Variants in THRAP3 observed in about 807,000 individuals in gnomAD.
THRAP3 encodes the protein thyroid hormone receptor associated protein 3, also known as thyroid hormone receptor-associated protein 3.
A neutral mutation model predicts 101.0 loss-of-function variants in THRAP3; 16 were observed. That is an observed-to-expected ratio of 0.16 (90% CI 0.11 to 0.24). THRAP3 has a LOEUF of 0.24. Among genes scored for constraint, THRAP3 ranks in the 10% least tolerant of loss-of-function variants. THRAP3 has a pLI of 1.00. For missense variants in THRAP3, 989 were observed against 1,202.7 expected, an observed-to-expected ratio of 0.82 and a Z score of 2.63; for synonymous variants, 407 against 422.6, an observed-to-expected ratio of 0.96 and a Z score of 0.45.
intron 6 of THRAP3, among the ~76,000 whole-genome samples, 166 bp from the exon 7 acceptor site, chr1:36,292,432 C>T (rs1193862104): frequency 7.3e-5 from 11 of 151,334 alleles, no homozygotes; most frequent in Non-Finnish European, 1.6e-4. Flanking sequence ...CCACCATGCC[C>T]ACTAGTTTTT....
At chr1:36,249,980 C>T (rs1198526388) in intron 1 of THRAP3, among the ~76,000 whole-genome samples, 1 of 152,040 alleles carries the variant, frequency 6.6e-6, no homozygotes, top group African/African-American at 2.4e-5. Flanking sequence ...GTTATTCTGG[C>T]ATCAAATTTG....
intron 1 of THRAP3, among the ~76,000 whole-genome samples, chr1:36,252,330 G>C (rs1359135777): frequency 6.6e-6 from 1 of 152,104 alleles, no homozygotes; most frequent in African/African-American, 2.4e-5. Flanking sequence ...TCACCATGTT[G>C]GTCAGGCTGG....
chr1:36,209,424 A>G, the THRAP3 span, among the ~76,000 whole-genome samples: 1 of 152,168 alleles, frequency 6.6e-6, no homozygotes, highest in Non-Finnish European at 1.5e-5. Flanking sequence ...TAGGATGTCT[A>G]GCAGCATCCC....
intron 5 of THRAP3, among the ~76,000 whole-genome samples, chr1:36,290,360 C>T (rs2995224): frequency 0.034 from 5,109 of 151,830 alleles, 319 homozygotes; most frequent in African/African-American, 0.12. Context: ...CAGCTAATTT[C>T]TTGTATTTTT....
rs750318581 is a variant in THRAP3, at chr1:36,289,777, C to G, written c.1745+13C>G. ...AGGACCTCGCACGGTGAGATATGCT[C>G]CTTCTTGATCCTCAGTGCTTTAGTG... On this transcript the variant is annotated intron_variant, in intron 5 of 11. Coordinates refer to ENST00000354618, the MANE Select transcript of THRAP3 (RefSeq NM_005119.4). 1 of 1,579,170 alleles carries G rather than the reference C, an allele frequency of 6.3e-7. No individual in the cohort carries two copies. Among genetic ancestry groups the G allele is most frequent in the Non-Finnish European group, 8.6e-7 (1 of 1,164,226 alleles).
chr1:36,261,528 A>G (rs1370659019), intron 2 of THRAP3, among the ~76,000 whole-genome samples: 1 of 152,160 alleles, frequency 6.6e-6, no homozygotes, highest in African/African-American at 2.4e-5. Flanking sequence ...GCGAGACTCC[A>G]TCTCAAAAAA....
At chr1:36,246,565 G>A (rs996997768) in intron 1 of THRAP3, among the ~76,000 whole-genome samples, 2 of 152,116 alleles carry the variant, frequency 1.3e-5, no homozygotes, top group African/African-American at 4.8e-5. Flanking sequence ...AACATGGGCC[G>A]AGTGCGGTGG....
intron 3 of THRAP3, among the ~76,000 whole-genome samples, chr1:36,285,887 G>C (rs1436192873): frequency 7.2e-5 from 11 of 152,268 alleles, no homozygotes; most frequent in Admixed American, 4.6e-4. Flanking sequence ...AAGGGGGAGA[G>C]AGCTGACTAG....
intron 2 of THRAP3, among the ~76,000 whole-genome samples, chr1:36,269,896 TAA>T: frequency 6.6e-6 from 1 of 152,230 alleles, no homozygotes; most frequent in East Asian, 1.9e-4. Context: ...TTTTTTTAAA[TAA>T]AGTCTTTTTT....
intron 1 of THRAP3, among the ~76,000 whole-genome samples, chr1:36,237,044 C>T (rs533156000): frequency 1.3e-5 from 2 of 152,238 alleles, no homozygotes; most frequent in East Asian, 1.9e-4. Flanking sequence ...GGCGTGGTGG[C>T]GCATCCCTGT....
chr1:36,213,801 T>C, the THRAP3 span, among the ~76,000 whole-genome samples: 3 of 150,346 alleles, frequency 2.0e-5, no homozygotes, highest in African/African-American at 7.4e-5. Flanking sequence ...GAGCTGAGAT[T>C]GCCCCATTGC....
chr1:36,298,157 A>AAT (rs1645978007), intron 9 of THRAP3, among the ~76,000 whole-genome samples: 2 of 151,474 alleles, frequency 1.3e-5, no homozygotes, highest in South Asian at 4.2e-4. Context: ...AAAAAAAAAA[A>AAT]AAAAAAAAAA....
Position 36,270,571 on chromosome 1 carries a change from G to GGTTTTTTTTTTTTTTTTTTTTTTTTT in THRAP3, c.-32+11087_-32+11088insGTTTTTTTTTTTTTTTTTTTTTTTTT, listed in dbSNP as rs1553121666. ...TAAAAATACAGTTCTATTTGTTTAG[G>GGTTTTTTTTTTTTTTTTTTTTTTTTT]TTTTTGTTTTTTTTTTTTTTTTTGA... On this transcript the variant is annotated intron_variant, in intron 2 of 11. Transcript: ENST00000354618. Among the ~76,000 whole-genome samples, 109 of 31,894 alleles carry GGTTTTTTTTTTTTTTTTTTTTTTTTT rather than the reference G, an allele frequency of 3.4e-3. 7 individuals are homozygous for GGTTTTTTTTTTTTTTTTTTTTTTTTT. Among genetic ancestry groups the GGTTTTTTTTTTTTTTTTTTTTTTTTT allele is most frequent in the African/African-American group, 7.3e-3 (103 of 14,200 alleles). The allele number at this position is 31,894 out of a possible 152,430, so 20.9% of individuals were successfully genotyped here.
chr1:36,262,088 A>G (rs890224273), intron 2 of THRAP3, among the ~76,000 whole-genome samples: 1 of 152,258 alleles, frequency 6.6e-6, no homozygotes, highest in South Asian at 2.1e-4. Context: ...CATTTAAAAA[A>G]ACAGATGAAA....
chr1:36,286,515 A>G lies in THRAP3; in HGVS notation c.285A>G (p.Pro95=). The G allele has an allele frequency of 6.2e-7, 1 of 1,614,150 alleles. No homozygotes were observed. Among genetic ancestry groups the G allele is most frequent in the Non-Finnish European group, 8.5e-7 (1 of 1,180,036 alleles). The change falls in exon 4 of 12, where the codon CCA becomes CCG. Residue 95 remains proline (P), a synonymous_variant. Transcript: ENST00000354618. This position sits in a 1 kb window ranked among gnomAD's most constrained non-coding sequence, Gnocchi z 5.5. The stretch of plus-strand genomic sequence containing the variant: ...GTGGGCGTAACAGAGGCTTTTATCC[A>G]TGGGGCCAATATAACCGAGGAGGCT... The part of the protein sequence containing the change: ...YFRGRNRGFY[P]WGQYNRGGYG...
At chr1:36,214,416 T>C in the THRAP3 span, among the ~76,000 whole-genome samples, 4 of 152,202 alleles carry the variant, frequency 2.6e-5, no homozygotes, top group African/African-American at 9.7e-5. Context: ...ATCTTCCCAC[T>C]TTTCTTCATC....
upstream of THRAP3, among the ~76,000 whole-genome samples, chr1:36,221,028 T>G (rs971592217): frequency 7.0e-6 from 1 of 142,610 alleles, no homozygotes; most frequent in Non-Finnish European, 1.5e-5. Context: ...AAAATAATTT[T>G]TACAATTTTA....
intron 2 of THRAP3, among the ~76,000 whole-genome samples, chr1:36,262,687 A>T (rs1645461055): frequency 6.6e-6 from 1 of 152,134 alleles, no homozygotes; most frequent in Admixed American, 6.5e-5. Flanking sequence ...ATCTTGATGG[A>T]TGGATATTTT....
At chr1:36,224,714 C>G (rs1447775046) in intron 1 of THRAP3, among the ~76,000 whole-genome samples, 3 of 152,290 alleles carry the variant, frequency 2.0e-5, no homozygotes, top group Admixed American at 2.0e-4. Context: ...CCCCTGGCCC[C>G]GGCCTAGCTC....
Sources: allele counts gnomAD v4.1 joint callset (sites outside exome capture counted in the v4.1 genomes callset), GRCh38; gene constraint gnomAD v4.1.1; non-coding constraint Gnocchi (gnomAD v3.1); transcripts MANE v1.5; gene names NCBI Gene and HGNC (gene_info 2026-07-23, HGNC 2026-07-21).